The following MYO7B variants were observed in gnomAD, a reference collection of about 807,000 sequenced individuals.
MYO7B encodes the protein unconventional myosin-VIIb.
MYO7B carries 212 observed loss-of-function variants against 259.7 expected under a neutral mutation model. The ratio of observed to expected loss-of-function variants is 0.82; its 90% CI spans 0.73 to 0.91. The LOEUF (loss-of-function observed/expected upper bound fraction) is 0.91, where lower values mean the gene tolerates loss of function less well. Among genes scored for constraint, MYO7B ranks in the 40% least tolerant of loss-of-function variants. The pLI is 0.00. For missense variants in MYO7B, 2,732 were observed against 2,813.5 expected, an observed-to-expected ratio of 0.97 and a Z score of 0.66; for synonymous variants, 1,197 against 1,166.4, an observed-to-expected ratio of 1.03 and a Z score of -0.54.
At position 127,608,781 on chromosome 2, in the gene MYO7B, A is replaced by G; in HGVS notation, c.2717A>G (p.Tyr906Cys). The change falls in exon 22 of 48, where the codon TAC becomes TGC. Residue 906 changes from tyrosine (Y) to cysteine (C), a missense_variant. This residue lies in a region of MYO7B where 1,906 missense variants were observed against 2,026.4 expected (regional missense o/e 0.94). Coordinates refer to ENST00000409816, the MANE Select transcript of MYO7B (RefSeq NM_001393586.1). ...ALPAKKRRSI[Y>C]DTVTDTEMVE... ...CCTGCCAAGAAGCGCAGATCCATCTACGACACCGTCACTGACACGGAGATG... is the reference window on the plus strand; with the variant it reads ...CCTGCCAAGAAGCGCAGATCCATCTGCGACACCGTCACTGACACGGAGATG... The G allele has an allele frequency of 6.2e-7, 1 of 1,613,582 alleles. No homozygotes were observed. The highest frequency in any genetic ancestry group is 8.5e-7 in the Non-Finnish European group (1 of 1,179,878).
chr2:127,585,240 G>A lies in MYO7B; in HGVS notation c.1690+327G>A, dbSNP rs1679256834. 6.6e-6 allele frequency among the ~76,000 whole-genome samples: 1 copy of A among 152,078 alleles called. No individual in the cohort carries two copies. The highest frequency in any genetic ancestry group is 2.4e-5 in the African/African-American group (1 of 41,390). ...GCCACCCCTAAAAGAAACCCCTCAT[G>A]AGCAACCACTCCCATTTCCCCCCAG... On this transcript the variant is annotated intron_variant, in intron 14 of 47. Coordinates refer to ENST00000409816, the MANE Select transcript of MYO7B (RefSeq NM_001393586.1). The surrounding 1 kb of genome is among the most constrained non-coding windows in gnomAD (Gnocchi z 4.3).
At chr2:127,617,327 G>C (rs1680606965) in intron 26 of MYO7B, among the ~76,000 whole-genome samples, 1 of 152,080 alleles carries the variant, frequency 6.6e-6, no homozygotes, top group African/African-American at 2.4e-5. Context: ...GAAATGACAA[G>C]AAAATGGTAT....
At chr2:127,536,909 C>A (rs1051259004) in intron 1 of MYO7B, among the ~76,000 whole-genome samples, 2 of 152,218 alleles carry the variant, frequency 1.3e-5, no homozygotes, top group African/African-American at 4.8e-5. Flanking sequence ...AGGCGGCTGT[C>A]TTGGGGCCTG....
intron 26 of MYO7B, among the ~76,000 whole-genome samples, chr2:127,617,558 A>G (rs1225561011): frequency 8.1e-6 from 1 of 122,898 alleles, no homozygotes; most frequent in Non-Finnish European, 1.6e-5. Flanking sequence ...TGCGGACTGC[A>G]GTGGCGCCAT....
At chr2:127,622,282 C>A (rs538275622) in intron 28 of MYO7B, among the ~76,000 whole-genome samples, 181 bp downstream of exon 28, 1 of 152,266 alleles carries the variant, frequency 6.6e-6, no homozygotes, top group African/African-American at 2.4e-5. Flanking sequence ...CTCGGCCTCC[C>A]CAGGCGTGAC....
At chr2:127,574,107 A>C in intron 7 of MYO7B, 45 bp downstream of exon 7, 1 of 1,608,564 alleles carries the variant, frequency 6.2e-7, no homozygotes, top group Non-Finnish European at 8.5e-7. Flanking sequence ...GGAATGGGGG[A>C]GGTTTCCAAG....
At chr2:127,592,111 G>A (rs940406607) in intron 16 of MYO7B, among the ~76,000 whole-genome samples, 9 of 152,244 alleles carry the variant, frequency 5.9e-5, no homozygotes, top group Non-Finnish European at 1.2e-4. Flanking sequence ...ATTTTAAACT[G>A]GGCCAGGCGC....
In MYO7B at chr2:127,546,503, G is replaced by T. The variant is rs1693233304; in HGVS notation, c.-24+10672G>T. On this transcript the variant is annotated intron_variant, in intron 1 of 47. Coordinates refer to ENST00000409816, the MANE Select transcript of MYO7B (RefSeq NM_001393586.1). The surrounding 1 kb of genome is among the most constrained non-coding windows in gnomAD (Gnocchi z 4.2). ...GCACCACAGAAATGTTAGTGGTGTG[G>T]CTTCAGACCCACAGCAGCTTTGAGG... Among the ~76,000 whole-genome samples, 1 of 152,146 alleles carries T rather than the reference G, an allele frequency of 6.6e-6. No homozygotes were observed.
chr2:127,561,486 T>C (rs1232062165), intron 2 of MYO7B, among the ~76,000 whole-genome samples: 1 of 152,110 alleles, frequency 6.6e-6, no homozygotes, highest in Non-Finnish European at 1.5e-5. Context: ...CTCGAACTCC[T>C]GACCTCAGGT....
At chr2:127,637,195 G>A (rs770718618) in intron 47 of MYO7B, 121 bp from the exon 48 acceptor site, 36 of 914,972 alleles carry the variant, frequency 3.9e-5, no homozygotes, top group African/African-American at 8.2e-5. Context: ...GCAGGAGCCC[G>A]CCTTCCCTTT....
chr2:127,622,216 C>T (rs1475177003), intron 28 of MYO7B, 115 bp downstream of exon 28: 11 of 1,367,538 alleles, frequency 8.0e-6, no homozygotes, highest in African/African-American at 2.9e-5. Flanking sequence ...CTCTGAGCCC[C>T]GCCATCTCCT....
chr2:127,573,401 A>C (rs1678728813), intron 6 of MYO7B, among the ~76,000 whole-genome samples: 2 of 152,230 alleles, frequency 1.3e-5, no homozygotes. Flanking sequence ...ACAGCTTTAC[A>C]AAAAAGACTG....
intron 30 of MYO7B, 53 bp from the exon 31 acceptor site, chr2:127,625,315 G>C (rs548050947): frequency 2.1e-5 from 31 of 1,445,868 alleles, no homozygotes; most frequent in East Asian, 1.1e-4. Flanking sequence ...CCTGGGGAAG[G>C]GGGGAGCTCT....
In MYO7B at chr2:127,540,164, G is replaced by GT. The variant is rs1216410358; in HGVS notation, c.-24+4337dup. On this transcript the variant is annotated intron_variant, in intron 1 of 47. Transcript: ENST00000409816. Reference sequence around the variant, plus strand: ...ATGCACGTGCAATTGTCTTTTTCTGGTTTTATTTTTTTTTTTTGAGATGGA... The same window carrying GT: ...ATGCACGTGCAATTGTCTTTTTCTGGTTTTTATTTTTTTTTTTTGAGATGGA... Among the ~76,000 whole-genome samples the GT allele has an allele frequency of 6.5e-3, 814 of 125,756 alleles. 7 individuals are homozygous for GT. Among genetic ancestry groups the GT allele is most frequent in the African/African-American group, 0.021 (767 of 37,246 alleles). 82.5% of individuals were successfully genotyped at this position (125,756 alleles called of 152,430 possible).
At chr2:127,604,966 G>A (rs1680109739) in intron 19 of MYO7B, among the ~76,000 whole-genome samples, 1 of 152,198 alleles carries the variant, frequency 6.6e-6, no homozygotes, top group South Asian at 2.1e-4. Flanking sequence ...GACATGAAGT[G>A]ACCACATGCT....
Position 127,602,637 on chromosome 2 carries a change from G to A in MYO7B, c.2340-3207G>A, listed in dbSNP as rs557608864. On this transcript the variant is annotated intron_variant, in intron 19 of 47. Coordinates refer to ENST00000409816, the MANE Select transcript of MYO7B (RefSeq NM_001393586.1). ...TGCACTCCAGCCCAAATGACAGAGTGAGACCCTGTCTCCAAAAAAGAAAAC... is the reference window on the plus strand; with the variant it reads ...TGCACTCCAGCCCAAATGACAGAGTAAGACCCTGTCTCCAAAAAAGAAAAC... Among the ~76,000 whole-genome samples, 4 of 152,236 alleles carry A rather than the reference G, an allele frequency of 2.6e-5. No individual in the cohort carries two copies. The East Asian group carries it at 7.7e-4, about 29-fold the overall frequency.
chr2:127,623,973 C>A, intron 29 of MYO7B, 120 bp from the exon 30 acceptor site: 1 of 907,414 alleles, frequency 1.1e-6, no homozygotes, highest in South Asian at 1.7e-5. Context: ...TCCACTCAGC[C>A]CACGCTGGGC....
chr2:127,621,770 G>A (rs1329905033), intron 27 of MYO7B, among the ~76,000 whole-genome samples: 2 of 152,232 alleles, frequency 1.3e-5, no homozygotes, highest in Non-Finnish European at 2.9e-5. Flanking sequence ...GACAAAGAGT[G>A]TGCACACATC....
chr2:127,615,727 A>G lies in MYO7B; in HGVS notation c.3398+3124A>G, dbSNP rs540652409. ...TTTGCTGTTTGCTCATATAGCCTCC[A>G]GTGGTATACTAGATCACGACTCTCA... On this transcript the variant is annotated intron_variant, in intron 26 of 47. Transcript: ENST00000409816. The surrounding 1 kb of genome is among the most constrained non-coding windows in gnomAD (Gnocchi z 4.4). Among the ~76,000 whole-genome samples the G allele has an allele frequency of 5.9e-5, 9 of 151,964 alleles. No homozygotes were observed. The South Asian group carries it at 1.9e-3, about 32-fold the overall frequency.
Sources: allele counts gnomAD v4.1 joint callset (sites outside exome capture counted in the v4.1 genomes callset), GRCh38; gene constraint gnomAD v4.1.1; regional missense constraint gnomAD v4.1.1; non-coding constraint Gnocchi (gnomAD v3.1); transcripts MANE v1.5; gene names NCBI Gene and HGNC (gene_info 2026-07-23, HGNC 2026-07-21).